Variants in SMIM10L1 observed in about 807,000 individuals in gnomAD.
SMIM10L1 encodes the protein small integral membrane protein 10-like protein 1.
In SMIM10L1, 6 loss-of-function variants were observed where a neutral mutation model predicts 4.5. The ratio of observed to expected loss-of-function variants is 1.33; its 90% CI spans 0.73 to 2.62. SMIM10L1 has a LOEUF of 2.62. SMIM10L1 is among the 30% of genes most tolerant of loss of function. The pLI is 0.00. For missense variants in SMIM10L1, 66 were observed against 86.2 expected (o/e 0.77, Z 0.93); for synonymous variants, 49 against 42.2 (o/e 1.16, Z -0.63).
At position 11,171,960 on chromosome 12, in the gene SMIM10L1, C is replaced by G. The variant is rs8181; in HGVS notation, c.*397C>G. The G allele has an allele frequency of 0.75, 116,264 of 155,610 alleles. 45,979 individuals are homozygous for G. The highest frequency in any genetic ancestry group is 0.96 in the East Asian group (5,092 of 5,294). 9.6% of individuals were successfully genotyped at this position (155,610 alleles called of 1,614,324 possible). Reference sequence around the variant, plus strand: ...TCGGACTGGATTGTAAGCAAGATTTCAATGAATAAGAAGCTGAAGGTATTA... The same window carrying G: ...TCGGACTGGATTGTAAGCAAGATTTGAATGAATAAGAAGCTGAAGGTATTA... On this transcript the variant is annotated 3_prime_UTR_variant, in exon 1 of 1. Transcript: ENST00000622602.
chr12:11,171,610 T>A lies in SMIM10L1; in HGVS notation c.*47T>A, dbSNP rs1401334094. On this transcript the variant is annotated 3_prime_UTR_variant, in exon 1 of 1. Transcript: ENST00000622602. ...CTCCGGGGCCAGCATGATGGCCGACTCCCAGGGTCCGTTGCGGCGCGGCGG... is the reference window on the plus strand; with the variant it reads ...CTCCGGGGCCAGCATGATGGCCGACACCCAGGGTCCGTTGCGGCGCGGCGG... 1.7e-6 allele frequency: 2 copies of A among 1,193,520 alleles called. No individual in the cohort carries two copies. The highest frequency in any genetic ancestry group is 3.1e-5 in the African/African-American group (2 of 63,688). The allele number at this position is 1,193,520 out of a possible 1,614,324, so 73.9% of individuals were successfully genotyped here. A position where few individuals can be genotyped will look rare whatever the true frequency, so the allele number is the denominator to read the frequency against.
chr12:11,175,118 A>G lies in SMIM10L1; in HGVS notation c.*3555A>G, dbSNP rs1429474269. ...TCATACTAAAATATAAATATTTAAC[A>G]TGATTTGATATGTAAGTTCAAGTAT... On this transcript the variant is annotated 3_prime_UTR_variant, in exon 1 of 1. Transcript: ENST00000622602. The G allele has an allele frequency of 1.3e-5, 2 of 151,358 alleles. No individual in the cohort carries two copies. Among genetic ancestry groups the G allele is most frequent in the Non-Finnish European group, 1.5e-5 (1 of 67,804 alleles). The allele number at this position is 151,358 out of a possible 1,614,324, so 9.4% of individuals were successfully genotyped here. A position where few individuals can be genotyped will look rare whatever the true frequency, so the allele number is the denominator to read the frequency against.
rs776541934 is a variant in SMIM10L1 at position 11,175,251 on chromosome 12, A to G, written c.*3688A>G. 6.6e-6 allele frequency: 1 copy of G among 152,116 alleles called. No individual in the cohort carries two copies. Among genetic ancestry groups the G allele is most frequent in the Non-Finnish European group, 1.5e-5 (1 of 68,022 alleles). 9.4% of individuals were successfully genotyped at this position (152,116 alleles called of 1,614,324 possible). ...AGAGAGGAAAGAACGTTGTCCTCAG[A>G]ATGGAAGGGAAACACTTTCCTGTGC... is the stretch of plus-strand genomic sequence containing the variant. On this transcript the variant is annotated 3_prime_UTR_variant, in exon 1 of 1. Coordinates refer to ENST00000622602, the MANE Select transcript of SMIM10L1 (RefSeq NM_001271592.2).
In SMIM10L1 at chr12:11,171,437, C is replaced by G. The variant is rs1400005382; in HGVS notation, c.81C>G (p.Phe27Leu). The change falls in exon 1 of 1, where the codon TTC (phenylalanine) becomes TTG (leucine). Residue 27 changes from phenylalanine (F) to leucine (L), a missense_variant. Transcript: ENST00000622602. ...CGACACCCACCTCGTACGGCGTCTT[C>G]TGCAAGGGGCTCTCCCGCACCCTGC... ...PAATPTSYGVFCKGLSRTLLA... is the reference protein window; with the variant it reads ...PAATPTSYGVLCKGLSRTLLA... The G allele has an allele frequency of 1.2e-5, 15 of 1,231,958 alleles. No individual in the cohort carries two copies. Among genetic ancestry groups the G allele is most frequent in the African/African-American group, 1.6e-5 (1 of 64,410 alleles). 76.3% of individuals were successfully genotyped at this position (1,231,958 alleles called of 1,614,324 possible).
Position 11,174,151 on chromosome 12 carries a change from A to C in SMIM10L1, c.*2588A>C, listed in dbSNP as rs763815036. Reference sequence around the variant, plus strand: ...ATTCTTGGGGTATAGTTTGCCTCCTACATGATGCAATTCAGTGAAATTCCC... The same window carrying C: ...ATTCTTGGGGTATAGTTTGCCTCCTCCATGATGCAATTCAGTGAAATTCCC... On this transcript the variant is annotated 3_prime_UTR_variant, in exon 1 of 1. Transcript: ENST00000622602. 2 of 152,056 alleles carry C rather than the reference A, an allele frequency of 1.3e-5. No individual in the cohort carries two copies. Among genetic ancestry groups the C allele is most frequent in the Non-Finnish European group, 2.9e-5 (2 of 67,972 alleles). The allele number at this position is 152,056 out of a possible 1,614,324, so 9.4% of individuals were successfully genotyped here.
Position 11,174,576 on chromosome 12 carries a change from G to A in SMIM10L1, c.*3013G>A, listed in dbSNP as rs1178230521. On this transcript the variant is annotated 3_prime_UTR_variant, in exon 1 of 1. Coordinates refer to ENST00000622602, the MANE Select transcript of SMIM10L1 (RefSeq NM_001271592.2). ...ATTATCAATAGAGATAAGAAATGTA[G>A]CTGGCAAAAAAAAAAATGGGAAACG... 4 of 134,744 alleles carry A rather than the reference G, an allele frequency of 3.0e-5. No homozygotes were observed. The highest frequency in any genetic ancestry group is 1.6e-4 in the Admixed American group (2 of 12,860). 8.3% of individuals were successfully genotyped at this position (134,744 alleles called of 1,614,324 possible). A position where few individuals can be genotyped will look rare whatever the true frequency, so the allele number is the denominator to read the frequency against.
rs1355434605 is a variant in SMIM10L1 at position 11,173,083 on chromosome 12, T to C, written c.*1520T>C. 6.6e-6 allele frequency: 1 copy of C among 152,198 alleles called. No homozygotes were observed. The highest frequency in any genetic ancestry group is 2.4e-5 in the African/African-American group (1 of 41,454). The allele number at this position is 152,198 out of a possible 1,614,324, so 9.4% of individuals were successfully genotyped here. The stretch of plus-strand genomic sequence containing the variant: ...TGCAGAAAAAGTAGTATACGCATTT[T>C]TTTTTTCAGGAAAAAATTAACTAAT... On this transcript the variant is annotated 3_prime_UTR_variant, in exon 1 of 1. Coordinates refer to ENST00000622602, the MANE Select transcript of SMIM10L1 (RefSeq NM_001271592.2).
chr12:11,175,225 G>A lies in SMIM10L1; in HGVS notation c.*3662G>A, dbSNP rs540677932. 6.6e-6 allele frequency: 1 copy of A among 152,208 alleles called. No individual in the cohort carries two copies. Among genetic ancestry groups the A allele is most frequent in the African/African-American group, 2.4e-5 (1 of 41,556 alleles). 9.4% of individuals were successfully genotyped at this position (152,208 alleles called of 1,614,324 possible). On this transcript the variant is annotated 3_prime_UTR_variant, in exon 1 of 1. Coordinates refer to ENST00000622602, the MANE Select transcript of SMIM10L1 (RefSeq NM_001271592.2). ...ATTGAGGGATATGGGAGCAAAGGGAGAGAGAGGAAAGAACGTTGTCCTCAG... is the reference window on the plus strand; with the variant it reads ...ATTGAGGGATATGGGAGCAAAGGGAAAGAGAGGAAAGAACGTTGTCCTCAG...
At position 11,173,786 on chromosome 12, in the gene SMIM10L1, C is replaced by G. The variant is rs1216379016; in HGVS notation, c.*2223C>G. On this transcript the variant is annotated 3_prime_UTR_variant, in exon 1 of 1. Transcript: ENST00000622602. ...AAACAGACTTTGTATTTATTACATCCTCCAACATAATTGGCAGCTCTGTGA... is the reference window on the plus strand; with the variant it reads ...AAACAGACTTTGTATTTATTACATCGTCCAACATAATTGGCAGCTCTGTGA... The G allele has an allele frequency of 6.6e-6, 1 of 152,024 alleles. No individual in the cohort carries two copies. The highest frequency in any genetic ancestry group is 2.4e-5 in the African/African-American group (1 of 41,402). The allele number at this position is 152,024 out of a possible 1,614,324, so 9.4% of individuals were successfully genotyped here. A position where few individuals can be genotyped will look rare whatever the true frequency, so the allele number is the denominator to read the frequency against.
chr12:11,175,710 T>TG lies in SMIM10L1; in HGVS notation c.*4149dup, dbSNP rs1467737609. On this transcript the variant is annotated 3_prime_UTR_variant, in exon 1 of 1. Transcript: ENST00000622602. ...TCTTGCAGTTTTAACACTTGTACTA[T>TG]GGTCTGAATGTGCCCCCCAAAAATT... 6.6e-6 allele frequency: 1 copy of TG among 152,224 alleles called. No individual in the cohort carries two copies. The highest frequency in any genetic ancestry group is 2.4e-5 in the African/African-American group (1 of 41,434). The allele number at this position is 152,224 out of a possible 1,614,324, so 9.4% of individuals were successfully genotyped here.
rs1425003388 is a variant in SMIM10L1, at chr12:11,172,286, G to T, written c.*723G>T. ...ATCGTAAAATACAAATGTTGTTTATGGTTTTTATTGTTTAAGGGCATACTT... is the reference window on the plus strand; with the variant it reads ...ATCGTAAAATACAAATGTTGTTTATTGTTTTTATTGTTTAAGGGCATACTT... On this transcript the variant is annotated 3_prime_UTR_variant, in exon 1 of 1. Coordinates refer to ENST00000622602, the MANE Select transcript of SMIM10L1 (RefSeq NM_001271592.2). 6.6e-6 allele frequency: 1 copy of T among 152,086 alleles called. No homozygotes were observed. Among genetic ancestry groups the T allele is most frequent in the East Asian group, 1.9e-4 (1 of 5,196 alleles). 9.4% of individuals were successfully genotyped at this position (152,086 alleles called of 1,614,324 possible). A position where few individuals can be genotyped will look rare whatever the true frequency, so the allele number is the denominator to read the frequency against.
rs985673179 is a variant in SMIM10L1 at position 11,172,587 on chromosome 12, A to C, written c.*1024A>C. On this transcript the variant is annotated 3_prime_UTR_variant, in exon 1 of 1. Transcript: ENST00000622602. ...TATGAAGTCAACAGGAAATGGCTAA[A>C]GATGGAGAGCTCAGGTAGAATAGTT... is the stretch of plus-strand genomic sequence containing the variant. 2.0e-5 allele frequency: 3 copies of C among 152,326 alleles called. No individual in the cohort carries two copies. The highest frequency in any genetic ancestry group is 4.4e-5 in the Non-Finnish European group (3 of 68,022). 9.4% of individuals were successfully genotyped at this position (152,326 alleles called of 1,614,324 possible). A position where few individuals can be genotyped will look rare whatever the true frequency, so the allele number is the denominator to read the frequency against.
At position 11,174,138 on chromosome 12, in the gene SMIM10L1, T is replaced by C. The variant is rs1947914053; in HGVS notation, c.*2575T>C. On this transcript the variant is annotated 3_prime_UTR_variant, in exon 1 of 1. Coordinates refer to ENST00000622602, the MANE Select transcript of SMIM10L1 (RefSeq NM_001271592.2). ...ACAATTGCTCTTAATTCTTGGGGTATAGTTTGCCTCCTACATGATGCAATT... is the reference window on the plus strand; with the variant it reads ...ACAATTGCTCTTAATTCTTGGGGTACAGTTTGCCTCCTACATGATGCAATT... The C allele has an allele frequency of 6.6e-6, 1 of 152,074 alleles. No homozygotes were observed. Among genetic ancestry groups the C allele is most frequent in the East Asian group, 1.9e-4 (1 of 5,198 alleles). The allele number at this position is 152,074 out of a possible 1,614,324, so 9.4% of individuals were successfully genotyped here.
In SMIM10L1 at chr12:11,173,741, T is replaced by C. The variant is rs1947906233; in HGVS notation, c.*2178T>C. ...TAACTTTTTTCCTCACATCAGTCAT[T>C]TGTTAAACCGAAGATGAAGAAACAG... On this transcript the variant is annotated 3_prime_UTR_variant, in exon 1 of 1. Transcript: ENST00000622602. The C allele has an allele frequency of 6.6e-6, 1 of 152,092 alleles. No homozygotes were observed. Among genetic ancestry groups the C allele is most frequent in the Non-Finnish European group, 1.5e-5 (1 of 68,006 alleles). The allele number at this position is 152,092 out of a possible 1,614,324, so 9.4% of individuals were successfully genotyped here.
chr12:11,171,301 G>T lies in SMIM10L1; in HGVS notation c.-56G>T, dbSNP rs868551152. 8.7e-7 allele frequency: 1 copy of T among 1,143,806 alleles called. No individual in the cohort carries two copies. Among genetic ancestry groups the T allele is most frequent in the Non-Finnish European group, 1.1e-6 (1 of 907,506 alleles). 70.9% of individuals were successfully genotyped at this position (1,143,806 alleles called of 1,614,324 possible). A position where few individuals can be genotyped will look rare whatever the true frequency, so the allele number is the denominator to read the frequency against. ...GGTCCCAGCCGTCGCTAGGAGGTCCGCGGGCCCTGCGGCAACCCTCGCTAC... is the reference window on the plus strand; with the variant it reads ...GGTCCCAGCCGTCGCTAGGAGGTCCTCGGGCCCTGCGGCAACCCTCGCTAC... On this transcript the variant is annotated 5_prime_UTR_variant, in exon 1 of 1. Coordinates refer to ENST00000622602, the MANE Select transcript of SMIM10L1 (RefSeq NM_001271592.2).
chr12:11,171,576 G>A lies in SMIM10L1; in HGVS notation c.*13G>A. 8.1e-7 allele frequency: 1 copy of A among 1,231,764 alleles called. No individual in the cohort carries two copies. The allele number at this position is 1,231,764 out of a possible 1,614,324, so 76.3% of individuals were successfully genotyped here. A position where few individuals can be genotyped will look rare whatever the true frequency, so the allele number is the denominator to read the frequency against. The stretch of plus-strand genomic sequence containing the variant: ...GGTACATATTTAGAGCCATGACTAA[G>A]CTAACGGCCTCCGGGGCCAGCATGA... On this transcript the variant is annotated 3_prime_UTR_variant, in exon 1 of 1. Coordinates refer to ENST00000622602, the MANE Select transcript of SMIM10L1 (RefSeq NM_001271592.2).
In SMIM10L1 at chr12:11,171,572, C is replaced by T. The variant is rs1947847404; in HGVS notation, c.*9C>T. 8.1e-7 allele frequency: 1 copy of T among 1,231,808 alleles called. No individual in the cohort carries two copies. The highest frequency in any genetic ancestry group is 1.0e-6 in the Non-Finnish European group (1 of 987,784). 76.3% of individuals were successfully genotyped at this position (1,231,808 alleles called of 1,614,324 possible). A position where few individuals can be genotyped will look rare whatever the true frequency, so the allele number is the denominator to read the frequency against. Reference sequence around the variant, plus strand: ...TGCAGGTACATATTTAGAGCCATGACTAAGCTAACGGCCTCCGGGGCCAGC... The same window carrying T: ...TGCAGGTACATATTTAGAGCCATGATTAAGCTAACGGCCTCCGGGGCCAGC... On this transcript the variant is annotated 3_prime_UTR_variant, in exon 1 of 1. Coordinates refer to ENST00000622602, the MANE Select transcript of SMIM10L1 (RefSeq NM_001271592.2).
At position 11,171,512 on chromosome 12, in the gene SMIM10L1, C is replaced by G. The variant is rs887348473; in HGVS notation, c.156C>G (p.Phe52Leu). 8.1e-7 allele frequency: 1 copy of G among 1,232,356 alleles called. No homozygotes were observed. The highest frequency in any genetic ancestry group is 1.0e-6 in the Non-Finnish European group (1 of 988,108). 76.3% of individuals were successfully genotyped at this position (1,232,356 alleles called of 1,614,324 possible). A position where few individuals can be genotyped will look rare whatever the true frequency, so the allele number is the denominator to read the frequency against. Reference protein sequence around the residue: ...AWQLRMNFPYFYVAGSVILNI... With the variant: ...AWQLRMNFPYLYVAGSVILNI... ...AGCTGCGCATGAACTTCCCGTACTTCTACGTCGCGGGCTCGGTGATCCTCA... is the reference window on the plus strand; with the variant it reads ...AGCTGCGCATGAACTTCCCGTACTTGTACGTCGCGGGCTCGGTGATCCTCA... The change falls in exon 1 of 1, where the codon TTC (phenylalanine) becomes TTG (leucine). Residue 52 changes from phenylalanine (F) to leucine (L), a missense_variant. By Grantham distance (22) the Phe-to-Leu change is conservative. Coordinates refer to ENST00000622602, the MANE Select transcript of SMIM10L1 (RefSeq NM_001271592.2).
rs1401004720 is a variant in SMIM10L1, at chr12:11,173,186, C to G, written c.*1623C>G. On this transcript the variant is annotated 3_prime_UTR_variant, in exon 1 of 1. Transcript: ENST00000622602. ...CTCATTGTGTCCAGCAAACAGTGTT[C>G]TATGGCTTTAAGTAGTAAGCATCTT... The G allele has an allele frequency of 6.6e-6, 1 of 152,088 alleles. No individual in the cohort carries two copies. The highest frequency in any genetic ancestry group is 1.5e-5 in the Non-Finnish European group (1 of 68,010). 9.4% of individuals were successfully genotyped at this position (152,088 alleles called of 1,614,324 possible). A position where few individuals can be genotyped will look rare whatever the true frequency, so the allele number is the denominator to read the frequency against.
Sources: gnomAD v4.1 joint callset for allele counts on GRCh38, gnomAD v4.1.1 for gene constraint, MANE v1.5 for transcripts, NCBI Gene and HGNC (gene_info 2026-07-23, HGNC 2026-07-21) for gene names.